Variants in ELMO1 observed in about 807,000 individuals in gnomAD.
ELMO1 encodes the protein engulfment and cell motility 1, also known as engulfment and cell motility protein 1.
ELMO1 carries 26 observed loss-of-function variants against 98.9 expected under a neutral mutation model. The ratio of observed to expected loss-of-function variants is 0.26; its 90% CI spans 0.19 to 0.36. The LOEUF (loss-of-function observed/expected upper bound fraction) is 0.36, where lower values mean the gene tolerates loss of function less well. ELMO1 is among the 10% of genes least tolerant of loss of function. The probability of loss-of-function intolerance (pLI) is 1.00; values close to 1 mark genes in which losing one functional copy is unlikely to be tolerated. For missense variants in ELMO1, 627 were observed against 935.2 expected (o/e 0.67, Z 4.30); for synonymous variants, 346 against 346.0 (o/e 1.00, Z 0.00).
At chr7:36,860,329 G>A (rs1802526905) in intron 21 of ELMO1, among the ~76,000 whole-genome samples, 1 of 152,126 alleles carries the variant, frequency 6.6e-6, no homozygotes, top group Admixed American at 6.5e-5. Flanking sequence ...TTCAGTTCTG[G>A]GAGGTCTCTC....
intron 20 of ELMO1, among the ~76,000 whole-genome samples, chr7:36,868,348 CT>C (rs70977202): frequency 0.16 from 22,774 of 140,292 alleles, 1,946 homozygotes; most frequent in East Asian, 0.32. Context: ...TCTTCTTCTT[CT>C]TTTTTTTTTT....
chr7:37,208,076 G>A (rs772242928), intron 13 of ELMO1, among the ~76,000 whole-genome samples: 6 of 152,184 alleles, frequency 3.9e-5, no homozygotes, highest in East Asian at 1.9e-4. Context: ...CCTTGTTGGC[G>A]CAATGGCCAC....
At chr7:37,391,835 C>T (rs1562661509) in intron 1 of ELMO1, among the ~76,000 whole-genome samples, 1 of 152,206 alleles carries the variant, frequency 6.6e-6, no homozygotes, top group Admixed American at 6.5e-5. Context: ...GGTTCCAGGG[C>T]TAAGTACCCA....
chr7:37,215,012 T>C (rs1793201197), intron 11 of ELMO1, among the ~76,000 whole-genome samples: 1 of 152,220 alleles, frequency 6.6e-6, no homozygotes, highest in African/African-American at 2.4e-5. Flanking sequence ...CTACATTTAC[T>C]GAGAGCCAAT....
chr7:36,895,742 C>T (rs7794173), intron 16 of ELMO1, among the ~76,000 whole-genome samples: 128,569 of 152,258 alleles, frequency 0.84, 54,449 homozygotes, highest in East Asian at 0.99. Flanking sequence ...TTCATCAGGA[C>T]GCATACAGCA....
intron 14 of ELMO1, among the ~76,000 whole-genome samples, chr7:37,115,372 A>G (rs1474155367): frequency 6.6e-6 from 1 of 152,240 alleles, no homozygotes; most frequent in Non-Finnish European, 1.5e-5. Context: ...ATAGAATCCA[A>G]CAATCTATAA....
chr7:37,056,139 C>T (rs891726879), intron 15 of ELMO1, among the ~76,000 whole-genome samples: 2 of 152,144 alleles, frequency 1.3e-5, no homozygotes, highest in African/African-American at 4.8e-5. Context: ...TTGAGTCGTT[C>T]TCACACTTTG....
At chr7:37,395,132 G>A (rs973832812) in intron 1 of ELMO1, among the ~76,000 whole-genome samples, 8 of 152,022 alleles carry the variant, frequency 5.3e-5, no homozygotes, top group Admixed American at 1.3e-4. Flanking sequence ...ATGGGAGGCC[G>A]AGGCAGGCAG....
At chr7:37,216,397 C>T (rs567472565) in intron 11 of ELMO1, among the ~76,000 whole-genome samples, 4 of 152,262 alleles carry the variant, frequency 2.6e-5, no homozygotes, top group East Asian at 3.9e-4. Context: ...GGCCAGAATG[C>T]GTTCCCCCTT....
chr7:36,889,693 T>A (rs564803680), intron 17 of ELMO1, among the ~76,000 whole-genome samples: 1 of 152,378 alleles, frequency 6.6e-6, no homozygotes, highest in African/African-American at 2.4e-5. Context: ...TCTTAACTGA[T>A]GCTTTATGAC....
chr7:37,375,543 C>G, intron 1 of ELMO1: 1 of 1,034,692 alleles, frequency 9.7e-7, no homozygotes, highest in South Asian at 1.3e-5. Context: ...TAAGAAGAAC[C>G]AGATTGCCAT....
At chr7:37,054,725 CAAA>C (rs34879382) in intron 15 of ELMO1, among the ~76,000 whole-genome samples, 13,354 of 152,118 alleles carry the variant, frequency 0.088, 752 homozygotes, top group African/African-American at 0.17. Flanking sequence ...CTTTGGGTTT[CAAA>C]AAAGCTGGCA....
chr7:37,233,280 C>A (rs1267280449), intron 7 of ELMO1, 86 bp from the exon 8 acceptor site: 2 of 1,131,384 alleles, frequency 1.8e-6, no homozygotes, highest in Non-Finnish European at 2.5e-6. Context: ...AAAGTGAATA[C>A]AAGCAGAATT....
At chr7:37,072,891 A>G (rs1471134653) in intron 15 of ELMO1, among the ~76,000 whole-genome samples, 1 of 152,242 alleles carries the variant, frequency 6.6e-6, no homozygotes, top group Non-Finnish European at 1.5e-5. Flanking sequence ...AGAATGAGAC[A>G]ATACCTTGAA....
intron 13 of ELMO1, among the ~76,000 whole-genome samples, chr7:37,154,080 A>T (rs1788558063): frequency 6.6e-6 from 1 of 152,232 alleles, no homozygotes; most frequent in Non-Finnish European, 1.5e-5. Context: ...CCTGTCTGTT[A>T]GAAGGAAAAC....
At chr7:37,343,905 C>G (rs1008977403) in intron 1 of ELMO1, among the ~76,000 whole-genome samples, 7 of 152,212 alleles carry the variant, frequency 4.6e-5, no homozygotes, top group Non-Finnish European at 7.3e-5. Context: ...TGCCCAATAT[C>G]TGCGTTCACT....
At chr7:37,332,146 G>C in intron 2 of ELMO1, among the ~76,000 whole-genome samples, 1 of 152,168 alleles carries the variant, frequency 6.6e-6, no homozygotes, top group Non-Finnish European at 1.5e-5. Context: ...CAAAGTCACT[G>C]ATTGTCTTTT....
At chr7:37,196,358 G>A (rs1791963314) in intron 13 of ELMO1, among the ~76,000 whole-genome samples, 1 of 152,194 alleles carries the variant, frequency 6.6e-6, no homozygotes, top group Non-Finnish European at 1.5e-5. Context: ...TAGCATCCCT[G>A]GAAAACTGGA....
In ELMO1 at chr7:37,115,874, T is replaced by C. The variant is rs141279632; in HGVS notation, c.1191+17256A>G. Among the ~76,000 whole-genome samples, 24 of 152,258 alleles carry C rather than the reference T, an allele frequency of 1.6e-4. No individual in the cohort carries two copies. The East Asian group carries it at 4.6e-3, about 29-fold the overall frequency. Reference sequence around the variant, plus strand: ...TTAATACATAAAATCTTGGAACTAATAAACAATTACAGCAAGACTGCAAGA... The same window carrying C: ...TTAATACATAAAATCTTGGAACTAACAAACAATTACAGCAAGACTGCAAGA... On this transcript the variant is annotated intron_variant, in intron 14 of 21. Transcript: ENST00000310758.
Sources: gnomAD v4.1 joint callset for allele counts (sites outside exome capture counted in the v4.1 genomes callset) on GRCh38, gnomAD v4.1.1 for gene constraint, MANE v1.5 for transcripts, NCBI Gene and HGNC (gene_info 2026-07-23, HGNC 2026-07-21) for gene names.